The following ADAMTS3 variants were observed in gnomAD, a reference collection of about 807,000 sequenced individuals.
The protein encoded by ADAMTS3 is ADAM metallopeptidase with thrombospondin type 1 motif 3.
Under a neutral mutation model 129.0 loss-of-function variants are expected in ADAMTS3, and 73 were observed. The observed-to-expected ratio is 0.57, with a 90% CI of 0.47 to 0.69. The LOEUF (loss-of-function observed/expected upper bound fraction) is 0.69, where lower values mean the gene tolerates loss of function less well. ADAMTS3 is among the 30% of genes least tolerant of loss of function. The probability of loss-of-function intolerance (pLI) is 0.00; values close to 1 mark genes in which losing one functional copy is unlikely to be tolerated. For synonymous variants in ADAMTS3, 477 were observed against 510.8 expected (o/e 0.93, Z 0.89); for missense variants, 1,457 against 1,514.5 (o/e 0.96, Z 0.63).
chr4:72,418,770 A>T (rs965951898), intron 3 of ADAMTS3, among the ~76,000 whole-genome samples: 5 of 152,100 alleles, frequency 3.3e-5, no homozygotes, highest in Non-Finnish European at 7.4e-5. Context: ...AGATCATGCC[A>T]CTCCTTTGCT....
In ADAMTS3 at chr4:72,311,115, A is replaced by G; in HGVS notation, c.1988T>C (p.Leu663Pro). The change falls in exon 14 of 22, where the codon CTG (leucine) becomes CCG (proline). Residue 663 changes from leucine to proline, a missense_variant. Coordinates refer to ENST00000286657, the MANE Select transcript of ADAMTS3 (RefSeq NM_014243.3). ...AGAACAGTGCGTTCCATCATGCACC[A>G]GTTGTTTCATGTAAGCAACATCTCC... ...ETGDVAYMKQ[L>P]VHDGTHCSYK... 1 of 1,612,806 alleles carries G rather than the reference A, an allele frequency of 6.2e-7. No individual in the cohort carries two copies. The highest frequency in any genetic ancestry group is 8.5e-7 in the Non-Finnish European group (1 of 1,179,100).
At chr4:72,529,904 AATAATATATATTATAAATATTAT>A (rs1437570286) in intron 3 of ADAMTS3, among the ~76,000 whole-genome samples, 1 of 45,952 alleles carries the variant, frequency 2.2e-5, no homozygotes. Context: ...ATTATATATA[AATAATATATATTATAAATATTAT>A]ATAATATATT....
rs192695215 is a variant in ADAMTS3 at position 72,485,752 on chromosome 4, T to C, written c.504+62726A>G. ...ATGTTAGCATCCCCCTCAAAATTCA[T>C]ACGTTGAAACCTAACCCTTACGGTA... is the stretch of plus-strand genomic sequence containing the variant. On this transcript the variant is annotated intron_variant, in intron 3 of 21. Coordinates refer to ENST00000286657, the MANE Select transcript of ADAMTS3 (RefSeq NM_014243.3). Among the ~76,000 whole-genome samples, 3 of 152,278 alleles carry C rather than the reference T, an allele frequency of 2.0e-5. 1 individual carries two copies. The highest frequency in any genetic ancestry group is 6.5e-5 in the Admixed American group (1 of 15,284).
intron 3 of ADAMTS3, among the ~76,000 whole-genome samples, chr4:72,512,520 GACTT>G (rs1227208267): frequency 1.3e-5 from 2 of 151,978 alleles, no homozygotes; most frequent in Non-Finnish European, 2.9e-5. Flanking sequence ...AAATAAATAA[GACTT>G]ACTATTTGAT....
At chr4:72,347,688 C>A (rs1422919847) in intron 4 of ADAMTS3, among the ~76,000 whole-genome samples, 1 of 151,946 alleles carries the variant, frequency 6.6e-6, no homozygotes, top group African/African-American at 2.4e-5. Flanking sequence ...TTCCTCTTGA[C>A]TAAATTATAT....
At chr4:72,298,239 C>G in intron 18 of ADAMTS3, 38 bp downstream of exon 18, 1 of 1,554,050 alleles carries the variant, frequency 6.4e-7, no homozygotes, top group Non-Finnish European at 8.8e-7. Flanking sequence ...TTTTTATATG[C>G]ATTACATTTT....
chr4:72,513,810 C>T (rs1298040687), intron 3 of ADAMTS3, among the ~76,000 whole-genome samples: 1 of 152,056 alleles, frequency 6.6e-6, no homozygotes, highest in African/African-American at 2.4e-5. Context: ...TTGTACCCAA[C>T]AGGTAATTTT....
intron 3 of ADAMTS3, among the ~76,000 whole-genome samples, chr4:72,492,859 A>G (rs920854339): frequency 4.0e-5 from 6 of 151,736 alleles, no homozygotes; most frequent in Non-Finnish European, 5.9e-5. Context: ...ATCTATCAAT[A>G]TTTACTTTAT....
Position 72,281,930 on chromosome 4 carries a change from A to ACAT in ADAMTS3, c.*1203_*1205dup, listed in dbSNP as rs1346869268. On this transcript the variant is annotated 3_prime_UTR_variant, in exon 22 of 22. Transcript: ENST00000286657. ...TTTGCTGTGAGCAAGGTGACTACTG[A>ACAT]CATAAATTATTAGCACATTATTGCA... 1 of 152,232 alleles carries ACAT rather than the reference A, an allele frequency of 6.6e-6. No individual in the cohort carries two copies. Among genetic ancestry groups the ACAT allele is most frequent in the Non-Finnish European group, 1.5e-5 (1 of 68,034 alleles). 9.4% of individuals were successfully genotyped at this position (152,232 alleles called of 1,614,324 possible). A position where few individuals can be genotyped will look rare whatever the true frequency, so the allele number is the denominator to read the frequency against.
At chr4:72,566,704 A>G (rs775972504) in intron 2 of ADAMTS3, among the ~76,000 whole-genome samples, 20 of 152,246 alleles carry the variant, frequency 1.3e-4, no homozygotes, top group Non-Finnish European at 2.4e-4. Context: ...ACATTATTCT[A>G]AACAGCTTCA....
chr4:72,320,262 C>T (rs559076677), intron 7 of ADAMTS3, among the ~76,000 whole-genome samples: 1 of 152,114 alleles, frequency 6.6e-6, no homozygotes, highest in South Asian at 2.1e-4. Flanking sequence ...TCCTTCATAT[C>T]GTGGTACTGA....
intron 3 of ADAMTS3, among the ~76,000 whole-genome samples, chr4:72,472,951 G>A (rs530932431): frequency 6.6e-6 from 1 of 152,038 alleles, no homozygotes; most frequent in Non-Finnish European, 1.5e-5. Context: ...CTAAAAGTTG[G>A]CATAAAATAC....
Position 72,339,599 on chromosome 4 carries a change from T to C in ADAMTS3, c.756A>G (p.Gly252=). The part of the protein sequence containing the change: ...NETMRRRRHA[G]ENDYNIEVLL... ...GTACCTCGATATTGTAATCGTTTTC[T>C]CCCGCGTGTCTGCGGCGTCTCATTG... Residue 252 remains glycine, a synonymous_variant, in exon 5 of 22, where the codon GGA becomes GGG. Coordinates refer to ENST00000286657, the MANE Select transcript of ADAMTS3 (RefSeq NM_014243.3). The C allele has an allele frequency of 6.2e-7, 1 of 1,613,972 alleles. No individual in the cohort carries two copies. Among genetic ancestry groups the C allele is most frequent in the African/African-American group, 1.3e-5 (1 of 75,014 alleles).
chr4:72,298,393 A>T lies in ADAMTS3; in HGVS notation c.2474T>A (p.Ile825Asn). Reference sequence around the variant, plus strand: ...TGTAGGTACAGAGTCTTCATGGATGATGTACTTATATGTCAGGCTAGAGCG... The same window carrying T: ...TGTAGGTACAGAGTCTTCATGGATGTTGTACTTATATGTCAGGCTAGAGCG... ...DTRSSLTYKYIIHEDSVPTIN... is the reference protein window; with the variant it reads ...DTRSSLTYKYNIHEDSVPTIN... The change falls in exon 18 of 22, where the codon ATC becomes AAC. Residue 825 changes from isoleucine (I) to asparagine (N), a missense_variant. Transcript: ENST00000286657. 1.2e-6 allele frequency: 2 copies of T among 1,612,332 alleles called. No individual in the cohort carries two copies. The highest frequency in any genetic ancestry group is 8.5e-7 in the Non-Finnish European group (1 of 1,178,818).
chr4:72,507,748 AT>A (rs779616776), intron 3 of ADAMTS3, among the ~76,000 whole-genome samples: 4 of 152,118 alleles, frequency 2.6e-5, no homozygotes, highest in African/African-American at 2.4e-5. Context: ...ACCCTTTCAG[AT>A]TGTCATAAAA....
chr4:72,355,837 G>C (rs1720568648), intron 4 of ADAMTS3, among the ~76,000 whole-genome samples: 1 of 152,000 alleles, frequency 6.6e-6, no homozygotes, highest in Non-Finnish European at 1.5e-5. Context: ...CAACAAGGCT[G>C]AAAGCTAGGT....
intron 21 of ADAMTS3, among the ~76,000 whole-genome samples, chr4:72,286,041 C>A (rs1457290534): frequency 6.6e-6 from 1 of 152,130 alleles, no homozygotes; most frequent in Non-Finnish European, 1.5e-5. Flanking sequence ...GCCCTTTGGG[C>A]CTCAATTTTA....
chr4:72,495,715 T>C (rs1185222565), intron 3 of ADAMTS3, among the ~76,000 whole-genome samples: 1 of 55,678 alleles, frequency 1.8e-5, no homozygotes, highest in Non-Finnish European at 3.8e-5. Context: ...AAAGCAACTT[T>C]CTCACAGTAA....
intron 3 of ADAMTS3, among the ~76,000 whole-genome samples, chr4:72,534,326 CA>C (rs892023288): frequency 1.3e-3 from 162 of 122,886 alleles, no homozygotes; most frequent in Admixed American, 1.4e-3. Context: ...GACTCCGTCT[CA>C]AAAAAAAAAA....
Sources: gnomAD v4.1 joint callset for allele counts (sites outside exome capture counted in the v4.1 genomes callset) on GRCh38, gnomAD v4.1.1 for gene constraint, MANE v1.5 for transcripts, NCBI Gene and HGNC (gene_info 2026-07-23, HGNC 2026-07-21) for gene names.